The following SOX5 variants were observed in gnomAD, a reference collection of about 807,000 sequenced individuals.
SOX5 encodes transcription factor SOX-5.
SOX5 carries 9 observed loss-of-function variants against 92.0 expected under a neutral mutation model. That is an observed-to-expected ratio of 0.10 (90% CI 0.06 to 0.17). SOX5 has a LOEUF of 0.17. Ranked by LOEUF, SOX5 falls within the 10% of genes least tolerant of loss-of-function variation. The pLI is 1.00. For synonymous variants in SOX5, 344 were observed against 336.3 expected, an observed-to-expected ratio of 1.02 and a Z score of -0.25; for missense variants, 642 against 944.5, an observed-to-expected ratio of 0.68 and a Z score of 4.20.
intron 11 of SOX5, 43 bp downstream of exon 11, chr12:23,563,215 T>TTAATTAAG (rs1946519556): frequency 1.3e-6 from 2 of 1,485,006 alleles, no homozygotes. Flanking sequence ...ATTAGGCAAT[T>TTAATTAAG]TAATTAAGTA....
At chr12:24,045,166 G>A (rs1008871059) in intron 4 of SOX5, among the ~76,000 whole-genome samples, 2 of 152,140 alleles carry the variant, frequency 1.3e-5, no homozygotes, top group African/African-American at 4.8e-5. Flanking sequence ...CTTGGGTTCA[G>A]ATCAAGTCTC....
intron 4 of SOX5, among the ~76,000 whole-genome samples, chr12:24,101,866 C>T (rs1946132550): frequency 6.6e-6 from 1 of 152,134 alleles, no homozygotes; most frequent in African/African-American, 2.4e-5. Context: ...AAAATCTCAT[C>T]ATTCTTTTAA....
intron 4 of SOX5, among the ~76,000 whole-genome samples, chr12:24,039,297 A>G (rs1198739818): frequency 7.0e-6 from 1 of 142,294 alleles, no homozygotes; most frequent in African/African-American, 3.1e-5. Flanking sequence ...GGCTATGACT[A>G]AATAATTTCT....
At position 23,734,674 on chromosome 12, in the gene SOX5, G is replaced by T. The variant is rs780470063; in HGVS notation, c.810+10C>A. 3 of 1,597,384 alleles carry T rather than the reference G, an allele frequency of 1.9e-6. No individual in the cohort carries two copies. Among genetic ancestry groups the T allele is most frequent in the Non-Finnish European group, 2.6e-6 (3 of 1,167,228 alleles). On this transcript the variant is annotated intron_variant, in intron 6 of 14. Transcript: ENST00000451604. ...TAAATTGTAAGTATATTGAAATTAT[G>T]ATTTCTGACCTGGATCTGTTGCTGG...
chr12:23,943,442 C>T (rs574193780), intron 1 of SOX5, among the ~76,000 whole-genome samples: 8 of 151,968 alleles, frequency 5.3e-5, no homozygotes, highest in East Asian at 1.9e-4. Context: ...TTCATCACGA[C>T]GGCATAGTAG....
intron 2 of SOX5, among the ~76,000 whole-genome samples, chr12:24,352,603 C>T (rs528139641): frequency 3.9e-5 from 6 of 152,328 alleles, no homozygotes; most frequent in Admixed American, 1.3e-4. Flanking sequence ...TTTACTCAGG[C>T]ACTGATTGGT....
intron 4 of SOX5, among the ~76,000 whole-genome samples, chr12:24,093,447 C>A (rs1944915157): frequency 6.6e-6 from 1 of 151,314 alleles, no homozygotes; most frequent in South Asian, 2.1e-4. Flanking sequence ...GGCGTGAACC[C>A]AGGAGGTGGA....
Position 24,529,193 on chromosome 12 carries a change from GAAAC to G in SOX5, c.-251+33132_-251+33135del, listed in dbSNP as rs1382053538. 4.6e-5 allele frequency among the ~76,000 whole-genome samples: 7 copies of G among 152,168 alleles called. No homozygotes were observed. The East Asian group carries it at 1.3e-3, about 29-fold the overall frequency. On this transcript the variant is annotated intron_variant, in intron 1 of 4. Coordinates refer to the SOX5 transcript ENST00000446891. ...AAGCCCAGTTACTACACAGAAAATA[GAAAC>G]AAACAATGAATATGGAGAGAATAAA...
intron 2 of SOX5, among the ~76,000 whole-genome samples, chr12:24,356,700 T>C (rs1320875652): frequency 6.6e-6 from 1 of 152,200 alleles, no homozygotes; most frequent in African/African-American, 2.4e-5. Context: ...AAGGACTTCA[T>C]TCTTTTCACC....
At chr12:23,614,777 G>A (rs2076355489) in intron 8 of SOX5, among the ~76,000 whole-genome samples, 1 of 152,064 alleles carries the variant, frequency 6.6e-6, no homozygotes, top group South Asian at 2.1e-4. Flanking sequence ...CCATAGCAAC[G>A]TATGAAGATT....
chr12:24,481,588 TA>T (rs1286120163), intron 1 of SOX5, among the ~76,000 whole-genome samples: 1 of 152,126 alleles, frequency 6.6e-6, no homozygotes, highest in Non-Finnish European at 1.5e-5. Context: ...ACAATGTTTT[TA>T]AAAAAAGAAT....
chr12:23,715,694 C>T (rs2092436412), intron 6 of SOX5, among the ~76,000 whole-genome samples: 1 of 151,710 alleles, frequency 6.6e-6, no homozygotes, highest in South Asian at 2.1e-4. Context: ...CAATCAACGG[C>T]TCCCATATGC....
chr12:24,385,636 G>A (rs1028898091), intron 1 of SOX5, among the ~76,000 whole-genome samples: 5 of 152,038 alleles, frequency 3.3e-5, no homozygotes, highest in East Asian at 3.9e-4. Flanking sequence ...TGCTGAGTAC[G>A]CTTTAAATTT....
intron 2 of SOX5, among the ~76,000 whole-genome samples, chr12:24,310,552 C>G (rs1267372206): frequency 3.3e-5 from 5 of 152,144 alleles, no homozygotes; most frequent in Admixed American, 3.3e-4. Flanking sequence ...TACATGAGCC[C>G]ATCCTATAAT....
intron 6 of SOX5, among the ~76,000 whole-genome samples, chr12:23,670,559 T>C (rs191316285): frequency 6.6e-6 from 1 of 152,206 alleles, no homozygotes; most frequent in East Asian, 1.9e-4. Flanking sequence ...AGCAATCAGT[T>C]TAGAATGAGA....
intron 9 of SOX5, chr12:23,582,291 G>GA: frequency 1.0e-5 from 10 of 984,994 alleles, no homozygotes; most frequent in Non-Finnish European, 1.2e-5. Context: ...AGGTTTACTA[G>GA]AAGAAACAAA....
intron 1 of SOX5, among the ~76,000 whole-genome samples, chr12:24,491,552 T>C (rs1490208158): frequency 1.3e-5 from 2 of 151,974 alleles, no homozygotes; most frequent in African/African-American, 4.8e-5. Flanking sequence ...CTTTTTAAAG[T>C]AAAAATGCAA....
chr12:23,656,183 T>C (rs993055744), intron 7 of SOX5, among the ~76,000 whole-genome samples: 5 of 120,536 alleles, frequency 4.1e-5, no homozygotes, highest in Admixed American at 2.4e-4. Flanking sequence ...CCTTGTTTCA[T>C]TGTATTTTTT....
chr12:24,169,343 A>T (rs959226435), intron 4 of SOX5, among the ~76,000 whole-genome samples: 1 of 152,230 alleles, frequency 6.6e-6, no homozygotes, highest in Non-Finnish European at 1.5e-5. Context: ...TTCACTTCAA[A>T]TCATTATTGT....
Sources: gnomAD v4.1 joint callset for allele counts (sites outside exome capture counted in the v4.1 genomes callset) on GRCh38, gnomAD v4.1.1 for gene constraint, MANE v1.5 for transcripts, NCBI Gene and HGNC (gene_info 2026-07-23, HGNC 2026-07-21) for gene names.